The following PGAP1 variants were observed in gnomAD, a reference collection of about 807,000 sequenced individuals.
PGAP1 encodes the protein post-GPI attachment to proteins inositol deacylase 1.
In PGAP1, 76 loss-of-function variants were observed where a neutral mutation model predicts 127.0. That is an observed-to-expected ratio of 0.60 (90% confidence interval 0.50 to 0.72). PGAP1 has a LOEUF of 0.72. Among genes scored for constraint, PGAP1 ranks in the 30% least tolerant of loss-of-function variants. The pLI is 0.00. For missense variants in PGAP1, 982 were observed against 1,071.3 expected (o/e 0.92, Z 1.16); for synonymous variants, 362 against 366.5 (o/e 0.99, Z 0.14).
At chr2:196,922,023 G>T in intron 1 of PGAP1, 1 of 504,914 alleles carries the variant, frequency 2.0e-6, no homozygotes, top group Non-Finnish European at 2.8e-6. Context: ...ACTTACAGGA[G>T]CAGGACTCCA....
intron 10 of PGAP1, among the ~76,000 whole-genome samples, chr2:196,886,712 T>C (rs1488461857): frequency 6.6e-6 from 1 of 152,036 alleles, no homozygotes; most frequent in Non-Finnish European, 1.5e-5. Flanking sequence ...AGTCCCTTTT[T>C]TTTTGAGACA....
intron 21 of PGAP1, chr2:196,847,605 A>C (rs1700596270): frequency 5.1e-6 from 1 of 196,976 alleles, no homozygotes; most frequent in South Asian, 1.2e-4. Flanking sequence ...TATACTTTTA[A>C]AAGTGATCAG....
intron 24 of PGAP1, 25 bp from the exon 25 acceptor site, chr2:196,844,100 T>C (rs546100641): frequency 2.7e-5 from 38 of 1,385,994 alleles, no homozygotes; most frequent in Non-Finnish European, 3.4e-5. Flanking sequence ...AGTAGAAATA[T>C]CAAGACACTA....
intron 7 of PGAP1, among the ~76,000 whole-genome samples, chr2:196,894,573 CG>C (rs1030356561): frequency 2.0e-4 from 30 of 152,062 alleles, no homozygotes; most frequent in African/African-American, 5.8e-4. Context: ...GAGGCCAAGA[CG>C]GGTGGATCAC....
chr2:196,873,128 A>T (rs1001289759), intron 16 of PGAP1, 102 bp from the exon 17 acceptor site: 16 of 486,404 alleles, frequency 3.3e-5, no homozygotes, highest in Admixed American at 8.0e-5. Context: ...CCATTTCATT[A>T]AAAAAATCAG....
Position 196,882,383 on chromosome 2 carries a change from G to A in PGAP1, c.1273-2230C>T, listed in dbSNP as rs1444404732. On this transcript the variant is annotated intron_variant, in intron 12 of 26. Coordinates refer to ENST00000354764, the MANE Select transcript of PGAP1 (RefSeq NM_024989.4). Reference sequence around the variant, plus strand: ...TTAAAATAGTTTTTTCTAGTTATGTGAAGAATGTCCATAGTAGTTTAATAG... The same window carrying A: ...TTAAAATAGTTTTTTCTAGTTATGTAAAGAATGTCCATAGTAGTTTAATAG... Among the ~76,000 whole-genome samples the A allele has an allele frequency of 7.2e-5, 11 of 152,182 alleles. No individual in the cohort carries two copies. The East Asian group carries it at 1.5e-3, about 21-fold the overall frequency.
At position 196,841,099 on chromosome 2, in the gene PGAP1, T is replaced by A. The variant is rs1270864945; in HGVS notation, c.*135A>T. The A allele has an allele frequency of 9.9e-7, 1 of 1,014,114 alleles. No homozygotes were observed. The highest frequency in any genetic ancestry group is 1.6e-5 in the African/African-American group (1 of 61,656). The allele number at this position is 1,014,114 out of a possible 1,614,324, so 62.8% of individuals were successfully genotyped here. ...TCCCTCAAACATTACAAAACTAATT[T>A]CCTATTTTCAATATTGTAAAAATAG... On this transcript the variant is annotated 3_prime_UTR_variant, in exon 27 of 27. Coordinates refer to ENST00000354764, the MANE Select transcript of PGAP1 (RefSeq NM_024989.4).
chr2:196,851,773 T>C (rs1331704985), intron 20 of PGAP1, among the ~76,000 whole-genome samples: 1 of 152,192 alleles, frequency 6.6e-6, no homozygotes, highest in African/African-American at 2.4e-5. Flanking sequence ...CTTGACTTTA[T>C]TCTGGATCTG....
At chr2:196,923,392 T>C (rs1335417068) in intron 1 of PGAP1, among the ~76,000 whole-genome samples, 2 of 152,214 alleles carry the variant, frequency 1.3e-5, no homozygotes, top group Non-Finnish European at 2.9e-5. Context: ...CAAACTTGGA[T>C]GCTCTCCCTT....
chr2:196,920,012 C>T lies in PGAP1; in HGVS notation c.286G>A (p.Gly96Arg). ...TAAGACTTACCTTGCTTATAACTTC[C>T]AGCATTACCAGGAAGAAAGAGAACT... ...IPVLFLPGNA[G>R]SYKQVRSIGS... The change falls in exon 2 of 27, where the codon GGA becomes AGA. Residue 96 changes from glycine to arginine, a missense_variant. Physicochemically the swap from Gly to Arg is moderately radical, Grantham distance 125 (BLOSUM62 -2). Transcript: ENST00000354764. 1.2e-6 allele frequency: 2 copies of T among 1,608,050 alleles called. No individual in the cohort carries two copies. The highest frequency in any genetic ancestry group is 1.3e-5 in the African/African-American group (1 of 74,694).
intron 20 of PGAP1, among the ~76,000 whole-genome samples, chr2:196,862,113 T>C (rs745761648): frequency 3.3e-5 from 5 of 152,054 alleles, no homozygotes; most frequent in Non-Finnish European, 7.4e-5. Context: ...CAGAGCCATA[T>C]TTCTCTTCTT....
chr2:196,861,811 T>C (rs141487094), intron 20 of PGAP1, among the ~76,000 whole-genome samples: 1,520 of 151,958 alleles, frequency 0.01, 22 homozygotes, highest in African/African-American at 0.035. Flanking sequence ...TACTGCAATC[T>C]CTAAACATAA....
intron 1 of PGAP1, 50 bp downstream of exon 1, chr2:196,926,420 C>A (rs1703362480): frequency 6.2e-7 from 1 of 1,608,916 alleles, no homozygotes; most frequent in East Asian, 2.2e-5. Flanking sequence ...AAAAAGGCAC[C>A]AGGGGCCAGA....
At chr2:196,917,293 T>C (rs1431161080) in intron 2 of PGAP1, among the ~76,000 whole-genome samples, 3 of 152,228 alleles carry the variant, frequency 2.0e-5, no homozygotes, top group Non-Finnish European at 2.9e-5. Flanking sequence ...ACAAAATACC[T>C]GTTTGCCATT....
At position 196,872,470 on chromosome 2, in the gene PGAP1, T is replaced by C. The variant is rs767691233; in HGVS notation, c.1699A>G (p.Met567Val). The change falls in exon 18 of 27, where the codon ATG becomes GTG. Residue 567 changes from methionine to valine, a missense_variant. Physicochemically the swap from Met to Val is conservative, Grantham distance 21. Transcript: ENST00000354764. ...ENNTHVALFK[M>V]YTSSDCRYEV... ...TACCGACAGTCTGATGACGTGTACA[T>C]TTTAAATAATGCCACATGGGTATTG... 6.2e-7 allele frequency: 1 copy of C among 1,612,130 alleles called. No homozygotes were observed. Among genetic ancestry groups the C allele is most frequent in the South Asian group, 1.1e-5 (1 of 91,038 alleles).
chr2:196,894,750 C>T (rs189092401), intron 7 of PGAP1, among the ~76,000 whole-genome samples: 4 of 152,102 alleles, frequency 2.6e-5, no homozygotes, highest in South Asian at 2.1e-4. Context: ...TGCAGTGAGC[C>T]GAGATCGCGC....
At chr2:196,901,791 A>G (rs1702500306) in intron 5 of PGAP1, among the ~76,000 whole-genome samples, 1 of 152,226 alleles carries the variant, frequency 6.6e-6, no homozygotes, top group Non-Finnish European at 1.5e-5. Context: ...TAAAATTGGT[A>G]AAGTTTCATT....
At chr2:196,861,112 G>T (rs1313590428) in intron 20 of PGAP1, among the ~76,000 whole-genome samples, 2 of 152,068 alleles carry the variant, frequency 1.3e-5, no homozygotes, top group Admixed American at 6.6e-5. Context: ...AAATGGTGCT[G>T]GGAAAACTGG....
In PGAP1 at chr2:196,920,086, T is replaced by G. The variant is rs780158313; in HGVS notation, c.212A>C (p.Glu71Ala). The change falls in exon 2 of 27, where the codon GAG becomes GCG. Residue 71 changes from glutamate to alanine, a missense_variant. Glu to Ala is a moderately radical substitution (Grantham distance 107). Coordinates refer to ENST00000354764, the MANE Select transcript of PGAP1 (RefSeq NM_024989.4). ...YPAYELYLYG[E>A]GSYAEEHKIL... The stretch of plus-strand genomic sequence containing the variant: ...TTTGTGTTCTTCAGCATAGGATCCC[T>G]CTCCATAAAGATACAACTCATATGC... 49 of 1,613,250 alleles carry G rather than the reference T, an allele frequency of 3.0e-5. No individual in the cohort carries two copies. The highest frequency in any genetic ancestry group is 4.2e-5 in the Non-Finnish European group (49 of 1,179,566).
Sources: allele counts gnomAD v4.1 joint callset (sites outside exome capture counted in the v4.1 genomes callset), GRCh38; gene constraint gnomAD v4.1.1; transcripts MANE v1.5; gene names NCBI Gene and HGNC (gene_info 2026-07-23, HGNC 2026-07-21).